The following ATP1A4 variants were observed in gnomAD, a reference collection of about 807,000 sequenced individuals.
ATP1A4 encodes sodium/potassium-transporting ATPase subunit alpha-4.
In ATP1A4, 90 loss-of-function variants were observed where a neutral mutation model predicts 114.3. The observed-to-expected ratio is 0.79, with a 90% confidence interval of 0.66 to 0.94. ATP1A4 has a LOEUF of 0.94. ATP1A4 is among the 40% of genes least tolerant of loss of function. ATP1A4 has a pLI of 0.00. For synonymous variants in ATP1A4, 511 were observed against 494.1 expected, an observed-to-expected ratio of 1.03 and a Z score of -0.45; for missense variants, 1,222 against 1,313.6, an observed-to-expected ratio of 0.93 and a Z score of 1.08.
chr1:160,167,425 C>T lies in ATP1A4; in HGVS notation c.1491+13C>T. 1.2e-6 allele frequency: 2 copies of T among 1,610,240 alleles called. No homozygotes were observed. The highest frequency in any genetic ancestry group is 1.7e-6 in the Non-Finnish European group (2 of 1,179,012). ...CAACAAGTACCAGGTACAGAACCCACAAAGGTAGGAGAATGGTGGTGGGGG... is the reference window on the plus strand; with the variant it reads ...CAACAAGTACCAGGTACAGAACCCATAAAGGTAGGAGAATGGTGGTGGGGG... On this transcript the variant is annotated intron_variant, in intron 10 of 21. Transcript: ENST00000368081.
chr1:160,180,994 A>G lies in ATP1A4; in HGVS notation c.2737-690A>G, dbSNP rs115536798. ...CTCCCAAAGTGCTGGGATTACAGGC[A>G]TGAGCCACCACACGCCCAGCCTGCC... On this transcript the variant is annotated intron_variant, in intron 18 of 21. Coordinates refer to ENST00000368081, the MANE Select transcript of ATP1A4 (RefSeq NM_144699.4). Among the ~76,000 whole-genome samples, 647 of 152,064 alleles carry G rather than the reference A, an allele frequency of 4.3e-3. 4 individuals carry two copies. The highest frequency in any genetic ancestry group is 0.033 in the East Asian group (172 of 5,146).
At chr1:160,173,933 T>C (rs117573795) in intron 13 of ATP1A4, among the ~76,000 whole-genome samples, 178 bp from the exon 14 acceptor site, 1,910 of 152,024 alleles carry the variant, frequency 0.013, 23 homozygotes, top group East Asian at 0.048. Flanking sequence ...AGAGGAGTGG[T>C]TGGCAAAAGT....
chr1:160,152,772 C>T (rs1334468958), intron 1 of ATP1A4, among the ~76,000 whole-genome samples: 2 of 152,098 alleles, frequency 1.3e-5, no homozygotes, highest in Non-Finnish European at 2.9e-5. Flanking sequence ...CGTGGTGGCT[C>T]ACACCTGTAA....
intron 14 of ATP1A4, 113 bp downstream of exon 14, chr1:160,174,374 C>A (rs1052110753): frequency 2.1e-6 from 3 of 1,462,950 alleles, no homozygotes; most frequent in Non-Finnish European, 2.8e-6. Context: ...CCAGAGAGTA[C>A]CCCATCTGGA....
rs200674042 is a variant in ATP1A4, at chr1:160,176,084, C to T, written c.2312-8C>T. 9.3e-6 allele frequency: 15 copies of T among 1,614,078 alleles called. No individual in the cohort carries two copies. The Admixed American group carries it at 2.3e-4, about 25-fold the overall frequency. On this transcript the variant is annotated splice_polypyrimidine_tract_variant and splice_region_variant and intron_variant, in intron 15 of 21. Coordinates refer to ENST00000368081, the MANE Select transcript of ATP1A4 (RefSeq NM_144699.4). ...GGCTTCTCACAGGAGGTTGACCTTC[C>T]TCCCCAGGCCGCCTGATCTTTGACA... is the stretch of plus-strand genomic sequence containing the variant.
At position 160,176,134 on chromosome 1, in the gene ATP1A4, C is replaced by T. The variant is rs184981309; in HGVS notation, c.2354C>T (p.Thr785Ile). Residue 785 changes from threonine (T) to isoleucine (I), a missense_variant, in exon 16 of 22, where the codon ACC becomes ATC. Coordinates refer to ENST00000368081, the MANE Select transcript of ATP1A4 (RefSeq NM_144699.4). ...AACCTGAAGAAATCCATCATGTACA[C>T]CCTGACCAGCAACATCCCCGAGATC... Reference protein sequence around the residue: ...FDNLKKSIMYTLTSNIPEITP... With the variant: ...FDNLKKSIMYILTSNIPEITP... 7.6e-5 allele frequency: 122 copies of T among 1,614,116 alleles called. No individual in the cohort carries two copies. In the East Asian group the frequency reaches 2.7e-3, roughly 35 times the overall value.
chr1:160,174,267 G>A lies in ATP1A4; in HGVS notation c.2142+6G>A, dbSNP rs772391843. 1 of 1,614,038 alleles carries A rather than the reference G, an allele frequency of 6.2e-7. No individual in the cohort carries two copies. The highest frequency in any genetic ancestry group is 8.5e-7 in the Non-Finnish European group (1 of 1,180,006). ...TCGAGGGATGTCAGAGGCTGGTAAG[G>A]AACGAAAAGGAGCCCCAAGGAAACT... is the stretch of plus-strand genomic sequence containing the variant. On this transcript the variant is annotated splice_donor_region_variant and intron_variant, in intron 14 of 21. Transcript: ENST00000368081.
intron 2 of ATP1A4, 22 bp downstream of exon 2, chr1:160,153,246 G>T: frequency 1.2e-6 from 2 of 1,606,374 alleles, no homozygotes; most frequent in Non-Finnish European, 1.7e-6. Context: ...GCTCCCTGAG[G>T]AGGCAGAGAG....
rs749181324 is a variant in ATP1A4, at chr1:160,174,654, A to C, written c.2218A>C (p.Met740Leu). ...GAAGAAGGCTGACATTGGCATTGCC[A>C]TGGGCATCTCTGGCTCTGACGTCTC... ...ALKKADIGIA[M>L]GISGSDVSKQ... is the part of the protein sequence containing the mutation. The change falls in exon 15 of 22, where the codon ATG becomes CTG. Residue 740 changes from methionine to leucine, a missense_variant. Met to Leu is a conservative substitution (Grantham distance 15, BLOSUM62 2). Transcript: ENST00000368081. 6.2e-7 allele frequency: 1 copy of C among 1,614,078 alleles called. No individual in the cohort carries two copies. Among genetic ancestry groups the C allele is most frequent in the African/African-American group, 1.3e-5 (1 of 74,930 alleles).
Position 160,152,005 on chromosome 1 carries a change from A to C in ATP1A4, c.-36A>C. ...GCCTCACTCTCTCAGCTTTCTTCCC[A>C]CAGTTGAGCTCGGGCAGCTCTTTCT... On this transcript the variant is annotated 5_prime_UTR_variant, in exon 1 of 22. Coordinates refer to ENST00000368081, the MANE Select transcript of ATP1A4 (RefSeq NM_144699.4). 1 of 1,590,996 alleles carries C rather than the reference A, an allele frequency of 6.3e-7. No individual in the cohort carries two copies. Among genetic ancestry groups the C allele is most frequent in the South Asian group, 1.1e-5 (1 of 88,394 alleles).
intron 20 of ATP1A4, among the ~76,000 whole-genome samples, chr1:160,184,807 T>A (rs1653823257): frequency 6.6e-6 from 1 of 152,192 alleles, no homozygotes; most frequent in Admixed American, 6.5e-5. Context: ...CTGTCCTGAT[T>A]CAACCCCTCC....
intron 15 of ATP1A4, among the ~76,000 whole-genome samples, chr1:160,175,827 G>A (rs1349990070): frequency 1.3e-5 from 2 of 152,100 alleles, no homozygotes; most frequent in Non-Finnish European, 2.9e-5. Context: ...AACATCGCAG[G>A]ATTAACCAGG....
At chr1:160,158,163 C>T (rs1233456144) in intron 4 of ATP1A4, among the ~76,000 whole-genome samples, 1 of 152,184 alleles carries the variant, frequency 6.6e-6, no homozygotes, top group East Asian at 1.9e-4. Context: ...GCTCCTGTTT[C>T]TCATAATTCT....
intron 13 of ATP1A4, 82 bp downstream of exon 13, chr1:160,173,799 T>A: frequency 6.6e-7 from 1 of 1,516,836 alleles, no homozygotes; most frequent in Non-Finnish European, 8.9e-7. Context: ...TTACTAAAGT[T>A]CTTGGAGTCT....
At chr1:160,168,905 G>A (rs978967669) in intron 10 of ATP1A4, among the ~76,000 whole-genome samples, 3 of 152,110 alleles carry the variant, frequency 2.0e-5, no homozygotes, top group Admixed American at 6.6e-5. Flanking sequence ...GGCCTTTGAC[G>A]GCAGCATAGC....
At chr1:160,186,575 C>A in intron 21 of ATP1A4, 96 bp from the exon 22 acceptor site, 2 of 1,428,610 alleles carry the variant, frequency 1.4e-6, no homozygotes, top group Non-Finnish European at 1.9e-6. Flanking sequence ...CCAGACCTCC[C>A]ACCTCCAACC....
chr1:160,186,371 A>G lies in ATP1A4; in HGVS notation c.3061+4A>G, dbSNP rs1653894477. ...CTCATCCGTCAGCACCCGGATGGTG[A>G]GGCTCCCCTGGGCCCCGCTCTGACT... On this transcript the variant is annotated splice_donor_region_variant and intron_variant, in intron 21 of 21. Transcript: ENST00000368081. 9 of 1,609,618 alleles carry G rather than the reference A, an allele frequency of 5.6e-6. No individual in the cohort carries two copies. Among genetic ancestry groups the G allele is most frequent in the Non-Finnish European group, 6.8e-6 (8 of 1,176,822 alleles).
chr1:160,174,823 C>T (rs757327301), intron 15 of ATP1A4, 76 bp downstream of exon 15: 123 of 1,585,044 alleles, frequency 7.8e-5, no homozygotes, highest in Non-Finnish European at 9.3e-5. Flanking sequence ...CCCCTCTTTC[C>T]GTTTTCCCAT....
In ATP1A4 at chr1:160,174,211, C is replaced by T. The variant is rs754439093; in HGVS notation, c.2092C>T (p.Arg698Trp). The T allele has an allele frequency of 2.4e-5, 38 of 1,614,012 alleles. No homozygotes were observed. Among genetic ancestry groups the T allele is most frequent in the East Asian group, 4.5e-5 (2 of 44,900 alleles). Residue 698 changes from arginine (R) to tryptophan (W), a missense_variant, in exon 14 of 22, where the codon CGG becomes TGG. Coordinates refer to ENST00000368081, the MANE Select transcript of ATP1A4 (RefSeq NM_144699.4). ...GAACCACCCTGAGATCGTGTTTGCT[C>T]GGACCTCCCCTCAGCAGAAGCTCAT... ...LQNHPEIVFA[R>W]TSPQQKLIIV...
Sources: allele counts gnomAD v4.1 joint callset (sites outside exome capture counted in the v4.1 genomes callset), GRCh38; gene constraint gnomAD v4.1.1; transcripts MANE v1.5; gene names NCBI Gene and HGNC (gene_info 2026-07-23, HGNC 2026-07-21).